Variants in MVB12B observed in about 807,000 individuals in gnomAD.
MVB12B encodes ESCRT-I complex subunit MVB12B.
A neutral mutation model predicts 41.6 loss-of-function variants in MVB12B; 16 were observed. That is an observed-to-expected ratio of 0.38 (90% CI 0.26 to 0.58). MVB12B has a LOEUF of 0.58. Ranked by LOEUF, MVB12B falls within the 20% of genes least tolerant of loss-of-function variation. The pLI is 0.62. For missense variants in MVB12B, 274 were observed against 380.2 expected, an observed-to-expected ratio of 0.72 and a Z score of 2.32; for synonymous variants, 133 against 139.7, an observed-to-expected ratio of 0.95 and a Z score of 0.34.
chr9:126,483,239 G>A (rs1453870122), intron 8 of MVB12B, among the ~76,000 whole-genome samples: 1 of 152,186 alleles, frequency 6.6e-6, no homozygotes, highest in African/African-American at 2.4e-5. Context: ...TCTGCCCTCC[G>A]AGCCTCTGAG....
chr9:126,421,908 G>A lies in MVB12B; in HGVS notation c.717G>A (p.Thr239=), dbSNP rs760921172. 8.1e-6 allele frequency: 13 copies of A among 1,613,840 alleles called. No individual in the cohort carries two copies. The highest frequency in any genetic ancestry group is 3.3e-5 in the South Asian group (3 of 91,074). The change falls in exon 7 of 10, where the codon ACG becomes ACA. Residue 239 remains threonine, a synonymous_variant. Transcript: ENST00000361171. ...ATFRGRNSTR[T]DYEYQHSNLY... ...TCCGAGGCAGGAACAGCACCCGGAC[G>A]GACTACGAGTACCAGCACTCCAATT...
rs1830223086 is a variant in MVB12B, at chr9:126,367,804, C to A, written c.205-13260C>A. On this transcript the variant is annotated intron_variant, in intron 2 of 9. Coordinates refer to ENST00000361171, the MANE Select transcript of MVB12B (RefSeq NM_033446.3). The surrounding 1 kb of genome is among the most constrained non-coding windows in gnomAD (Gnocchi z 4.3). ...AGCCTCTGAGAGCTCAAGGGTGTGG[C>A]TGAGTGGAGGTCAAACCCAGGTCTC... Among the ~76,000 whole-genome samples the A allele has an allele frequency of 6.6e-6, 1 of 152,188 alleles. No homozygotes were observed. The highest frequency in any genetic ancestry group is 2.4e-5 in the African/African-American group (1 of 41,458).
At chr9:126,429,522 A>C (rs1184159590) in intron 7 of MVB12B, among the ~76,000 whole-genome samples, 1 of 152,194 alleles carries the variant, frequency 6.6e-6, no homozygotes, top group Non-Finnish European at 1.5e-5. Context: ...ATGTCAAAAA[A>C]ATCTGTCTCC....
chr9:126,387,038 G>A (rs1381310232), intron 4 of MVB12B, among the ~76,000 whole-genome samples: 1 of 152,092 alleles, frequency 6.6e-6, no homozygotes, highest in Non-Finnish European at 1.5e-5. Context: ...GACGCCCAGA[G>A]AACACAAGGC....
At chr9:126,328,383 T>C (rs1829040095) in intron 1 of MVB12B, among the ~76,000 whole-genome samples, 1 of 152,310 alleles carries the variant, frequency 6.6e-6, no homozygotes, top group Non-Finnish European at 1.5e-5. Context: ...GTCACACTCC[T>C]AATTTAGGTT....
chr9:126,340,623 A>C lies in MVB12B; in HGVS notation c.197A>C (p.Tyr66Ser), dbSNP rs773214805. The change falls in exon 2 of 10, where the codon TAT (tyrosine) becomes TCT (serine). Residue 66 changes from tyrosine to serine, a missense_variant. Transcript: ENST00000361171. This position sits in a 1 kb window ranked among gnomAD's most constrained non-coding sequence, Gnocchi z 4.0. The stretch of plus-strand genomic sequence containing the variant: ...TCTCGGAACCGAGCCCCGACAGGCT[A>C]TGACGTAGTAAGTCAAGATACTAGT... ...VASRNRAPTGYDVVAQTADGV... is the reference protein window; with the variant it reads ...VASRNRAPTGSDVVAQTADGV... The C allele has an allele frequency of 6.2e-7, 1 of 1,614,056 alleles. No individual in the cohort carries two copies. The highest frequency in any genetic ancestry group is 8.5e-7 in the Non-Finnish European group (1 of 1,179,944).
rs1448792015 is a variant in MVB12B at position 126,464,896 on chromosome 9, T to C, written c.758-16473T>C. On this transcript the variant is annotated intron_variant, in intron 7 of 9. Coordinates refer to ENST00000361171, the MANE Select transcript of MVB12B (RefSeq NM_033446.3). ...CATGGGAATGCCAGTGCCAGGGCCA[T>C]TGTGAGGTTTATACGAGAACACCTG... Among the ~76,000 whole-genome samples, 3 of 152,306 alleles carry C rather than the reference T, an allele frequency of 2.0e-5. No homozygotes were observed. The East Asian group carries it at 5.8e-4, about 29-fold the overall frequency.
At chr9:126,463,744 C>T (rs1425687364) in intron 7 of MVB12B, among the ~76,000 whole-genome samples, 1 of 152,198 alleles carries the variant, frequency 6.6e-6, no homozygotes, top group African/African-American at 2.4e-5. Flanking sequence ...GTGCTCAGGT[C>T]CTGGGGATCT....
chr9:126,427,931 C>A (rs1371406434), intron 7 of MVB12B, among the ~76,000 whole-genome samples: 1 of 151,522 alleles, frequency 6.6e-6, no homozygotes, highest in Non-Finnish European at 1.5e-5. Flanking sequence ...GTGTATTGGC[C>A]ACTCCTCTGC....
At chr9:126,394,697 G>C (rs1250060457) in intron 5 of MVB12B, among the ~76,000 whole-genome samples, 1 of 152,196 alleles carries the variant, frequency 6.6e-6, no homozygotes, top group African/African-American at 2.4e-5. Context: ...CAGTTCATTG[G>C]AATCACTCAT....
intron 6 of MVB12B, among the ~76,000 whole-genome samples, chr9:126,415,076 T>C (rs977049000): frequency 6.6e-6 from 1 of 152,136 alleles, no homozygotes; most frequent in Non-Finnish European, 1.5e-5. Flanking sequence ...CTCATTCTTA[T>C]AACTCCCTTG....
intron 4 of MVB12B, among the ~76,000 whole-genome samples, chr9:126,388,300 T>C (rs1656190498): frequency 6.6e-6 from 1 of 152,232 alleles, no homozygotes; most frequent in Non-Finnish European, 1.5e-5. Context: ...CGTGTGGTCT[T>C]TTGTGACCAG....
chr9:126,496,397 C>T (rs1403843130), intron 9 of MVB12B, among the ~76,000 whole-genome samples: 1 of 143,024 alleles, frequency 7.0e-6, no homozygotes, highest in African/African-American at 2.6e-5. Flanking sequence ...TCCACCCATA[C>T]CCACCCACTC....
chr9:126,462,511 T>C (rs577815807), intron 7 of MVB12B, among the ~76,000 whole-genome samples: 2 of 152,238 alleles, frequency 1.3e-5, no homozygotes, highest in Non-Finnish European at 2.9e-5. Context: ...GCAATTATTA[T>C]TTAGATTTCT....
In MVB12B at chr9:126,428,373, C is replaced by T. The variant is rs1588164911; in HGVS notation, c.757+6425C>T. On this transcript the variant is annotated intron_variant, in intron 7 of 9. Coordinates refer to ENST00000361171, the MANE Select transcript of MVB12B (RefSeq NM_033446.3). ...GATAAAATTTCTGCCACCAGCTTTT[C>T]ATCTTATGATGAAAAAAATGTGTAT... is the stretch of plus-strand genomic sequence containing the variant. 2.0e-5 allele frequency among the ~76,000 whole-genome samples: 3 copies of T among 152,200 alleles called. No homozygotes were observed. The East Asian group carries it at 5.8e-4, about 29-fold the overall frequency.
At chr9:126,364,818 C>T (rs897714163) in intron 2 of MVB12B, among the ~76,000 whole-genome samples, 6 of 152,104 alleles carry the variant, frequency 3.9e-5, no homozygotes, top group African/African-American at 1.2e-4. Context: ...GTGGCGCAAT[C>T]TCCACTCACT....
intron 2 of MVB12B, among the ~76,000 whole-genome samples, chr9:126,378,456 A>G (rs1830543855): frequency 6.6e-6 from 1 of 152,146 alleles, no homozygotes; most frequent in Admixed American, 6.5e-5. Flanking sequence ...CTGCCTTTCC[A>G]GTGCTCTCAA....
At chr9:126,500,423 G>A (rs1045295225) in intron 9 of MVB12B, among the ~76,000 whole-genome samples, 5 of 151,540 alleles carry the variant, frequency 3.3e-5, no homozygotes, top group African/African-American at 7.3e-5. Context: ...TTTCTGCACA[G>A]CGTGTGGTCT....
At chr9:126,396,965 G>GCCCAGCAGCTCC (rs1831134409) in intron 6 of MVB12B, 1 of 985,470 alleles carries the variant, frequency 1.0e-6, no homozygotes, top group Non-Finnish European at 1.2e-6. Flanking sequence ...CGCCCTGGAG[G>GCCCAGCAGCTCC]GCACTGCTGA....
Sources: gnomAD v4.1 joint callset for allele counts (sites outside exome capture counted in the v4.1 genomes callset) on GRCh38, gnomAD v4.1.1 for gene constraint, Gnocchi (gnomAD v3.1) non-coding constraint, MANE v1.5 for transcripts, NCBI Gene and HGNC (gene_info 2026-07-23, HGNC 2026-07-21) for gene names.